Variants in TMEM200B observed in about 807,000 individuals in gnomAD.
The protein encoded by TMEM200B is transmembrane protein TTMA.
Under a neutral mutation model 17.6 loss-of-function variants are expected in TMEM200B, and 12 were observed. That is an observed-to-expected ratio of 0.68 (90% CI 0.44 to 1.11). The LOEUF (loss-of-function observed/expected upper bound fraction) is 1.11, where lower values mean the gene tolerates loss of function less well. TMEM200B is among the 50% of genes least tolerant of loss of function. The probability of loss-of-function intolerance (pLI) is 0.00; values close to 1 mark genes in which losing one functional copy is unlikely to be tolerated. For missense variants in TMEM200B, 456 were observed against 447.6 expected (o/e 1.02, Z -0.17); for synonymous variants, 234 against 209.2 (o/e 1.12, Z -1.02).
chr1:29,123,105 G>A (rs1353737633), intron 1 of TMEM200B, among the ~76,000 whole-genome samples: 1 of 152,192 alleles, frequency 6.6e-6, no homozygotes, highest in Admixed American at 6.5e-5. Context: ...AAACCTCGGG[G>A]AGGCGGCCTT....
At position 29,120,926 on chromosome 1, in the gene TMEM200B, CCCT is replaced by C. The variant is rs761180446; in HGVS notation, c.900_902del (p.Gly301del). Reference sequence around the variant, plus strand: ...CTCTTCAGACCCGGGCCCCCAAGTCCCCTCCTCCTCCCAATTTGGCATAGCCCC... The same window carrying C: ...CTCTTCAGACCCGGGCCCCCAAGTCCCCTCCTCCCAATTTGGCATAGCCCC... On this transcript the variant is annotated inframe_deletion, in exon 2 of 2. Coordinates refer to ENST00000521452, the MANE Select transcript of TMEM200B (RefSeq NM_001003682.4). 5 of 1,607,578 alleles carry C rather than the reference CCCT, an allele frequency of 3.1e-6. No homozygotes were observed. Among genetic ancestry groups the C allele is most frequent in the Admixed American group, 3.4e-5 (2 of 59,608 alleles).
Position 29,121,325 on chromosome 1 carries a change from G to A in TMEM200B, c.504C>T (p.Ala168=). 1 of 1,589,586 alleles carries A rather than the reference G, an allele frequency of 6.3e-7. No individual in the cohort carries two copies. The highest frequency in any genetic ancestry group is 1.8e-5 in the Admixed American group (1 of 55,786). ...RPPDGPGWDC[A]LLPSPGPRSP... is the part of the protein sequence containing the mutation. ...TCCTAGGGCCGGGGCTGGGAAGGAG[G>A]GCGCAGTCCCAGCCCGGGCCGTCGG... The change falls in exon 2 of 2, where the codon GCC becomes GCT. Residue 168 remains alanine, a synonymous_variant. Coordinates refer to ENST00000521452, the MANE Select transcript of TMEM200B (RefSeq NM_001003682.4). The surrounding 1 kb of genome is among the most constrained non-coding windows in gnomAD (Gnocchi z 5.6).
chr1:29,122,798 G>A (rs1574172028), intron 1 of TMEM200B, among the ~76,000 whole-genome samples: 1 of 152,236 alleles, frequency 6.6e-6, no homozygotes, highest in Non-Finnish European at 1.5e-5. Context: ...TCCGTGGCCC[G>A]TGGCCCGGTC....
Position 29,121,416 on chromosome 1 carries a change from T to C in TMEM200B, c.413A>G (p.Glu138Gly). 6.5e-7 allele frequency: 1 copy of C among 1,538,052 alleles called. No individual in the cohort carries two copies. The highest frequency in any genetic ancestry group is 8.7e-7 in the Non-Finnish European group (1 of 1,146,874). The change falls in exon 2 of 2, where the codon GAG (glutamate) becomes GGG (glycine). Residue 138 changes from glutamate (E) to glycine (G), a missense_variant. Physicochemically the swap from Glu to Gly is moderately conservative, Grantham distance 98. Transcript: ENST00000521452. This position sits in a 1 kb window ranked among gnomAD's most constrained non-coding sequence, Gnocchi z 5.6. ...CCGTCGCGTCTCCAAGTCTCGGTTCTCATACAGCAGTGTGTTGGCGCAGAT... is the reference window on the plus strand; with the variant it reads ...CCGTCGCGTCTCCAAGTCTCGGTTCCCATACAGCAGTGTGTTGGCGCAGAT... ...VFICANTLLY[E>G]NRDLETRRLR...
Position 29,120,739 on chromosome 1 carries a change from CT to C in TMEM200B, c.*165del. On this transcript the variant is annotated 3_prime_UTR_variant, in exon 2 of 2. Coordinates refer to ENST00000521452, the MANE Select transcript of TMEM200B (RefSeq NM_001003682.4). ...GAGCCCTGGTGCAGCTGGCATTTCTCTGCCCGCATGCAGGTCAGGATGCCCT... is the reference window on the plus strand; with the variant it reads ...GAGCCCTGGTGCAGCTGGCATTTCTCGCCCGCATGCAGGTCAGGATGCCCT... 2 of 867,546 alleles carry C rather than the reference CT, an allele frequency of 2.3e-6. No individual in the cohort carries two copies. The highest frequency in any genetic ancestry group is 3.9e-5 in the South Asian group (2 of 50,920). The allele number at this position is 867,546 out of a possible 1,614,324, so 53.7% of individuals were successfully genotyped here.
At position 29,121,118 on chromosome 1, in the gene TMEM200B, T is replaced by G; in HGVS notation, c.711A>C (p.Pro237=). ...KGPGLPPPWG[P]RTQTGHVIIT... ...TGATCACATGGCCAGTCTGCGTCCG[T>G]GGACCCCAGGGTGGGGGCAGCCCGG... The change falls in exon 2 of 2, where the codon CCA becomes CCC. Residue 237 remains proline (P), a synonymous_variant. Transcript: ENST00000521452. This position sits in a 1 kb window ranked among gnomAD's most constrained non-coding sequence, Gnocchi z 5.6. 2 of 1,613,846 alleles carry G rather than the reference T, an allele frequency of 1.2e-6. No homozygotes were observed. Among genetic ancestry groups the G allele is most frequent in the South Asian group, 2.2e-5 (2 of 91,086 alleles).
Position 29,121,461 on chromosome 1 carries a change from C to T in TMEM200B, c.368G>A (p.Gly123Asp), listed in dbSNP as rs1308643612. ...RLRLLGPVIM[G>D]VGLFVFICAN... ...GCAGATGAACACGAACAGGCCGACG[C>T]CCATGATCACCGGCCCGAGGAGCCG... The change falls in exon 2 of 2, where the codon GGC (glycine) becomes GAC (aspartate). Residue 123 changes from glycine to aspartate, a missense_variant. Transcript: ENST00000521452. The surrounding 1 kb of genome is among the most constrained non-coding windows in gnomAD (Gnocchi z 5.6). 1 of 1,532,888 alleles carries T rather than the reference C, an allele frequency of 6.5e-7. No homozygotes were observed. Among genetic ancestry groups the T allele is most frequent in the Non-Finnish European group, 8.7e-7 (1 of 1,145,000 alleles). 95.0% of individuals were successfully genotyped at this position (1,532,888 alleles called of 1,614,324 possible).
At chr1:29,123,597 G>A (rs1574172906) in intron 1 of TMEM200B, among the ~76,000 whole-genome samples, 2 of 152,134 alleles carry the variant, frequency 1.3e-5, no homozygotes, top group East Asian at 3.9e-4. Context: ...AGCCGTGGAG[G>A]TAGTGGGCCG....
chr1:29,121,847 C>CA lies in TMEM200B; in HGVS notation c.-20_-19insT. On this transcript the variant is annotated splice_region_variant and 5_prime_UTR_variant, in exon 2 of 2. In the 5' UTR this introduces an upstream ATG that the reference lacks. Transcript: ENST00000521452. The surrounding 1 kb of genome is among the most constrained non-coding windows in gnomAD (Gnocchi z 5.6). ...CCGTCATCTCGCCGTCGTCTGGGCGCTCTGCGGAGAGAAGATGGGAGGCAA... is the reference window on the plus strand; with the variant it reads ...CCGTCATCTCGCCGTCGTCTGGGCGCATCTGCGGAGAGAAGATGGGAGGCAA... The CA allele has an allele frequency of 7.8e-7, 1 of 1,282,112 alleles. No homozygotes were observed. Among genetic ancestry groups the CA allele is most frequent in the Admixed American group, 3.2e-5 (1 of 31,358 alleles). 79.4% of individuals were successfully genotyped at this position (1,282,112 alleles called of 1,614,324 possible).
intron 1 of TMEM200B, among the ~76,000 whole-genome samples, chr1:29,123,307 G>T (rs181684773): frequency 1.7e-4 from 26 of 152,308 alleles, no homozygotes; most frequent in Admixed American, 1.1e-3. Flanking sequence ...CTAGGCGGGG[G>T]CTCTGCCAGG....
intron 1 of TMEM200B, 97 bp downstream of exon 1, chr1:29,123,759 C>G (rs1235296050): frequency 1.4e-5 from 2 of 143,014 alleles, no homozygotes; most frequent in Admixed American, 7.0e-5. Context: ...CTCCCGCCCC[C>G]AGGGGCCCTG....
In TMEM200B at chr1:29,121,192, G is replaced by A. The variant is rs777246273; in HGVS notation, c.637C>T (p.Pro213Ser). Residue 213 changes from proline to serine, a missense_variant, in exon 2 of 2, where the codon CCT (proline) becomes TCT (serine). Physicochemically the swap from Pro to Ser is moderately conservative, Grantham distance 74. Coordinates refer to ENST00000521452, the MANE Select transcript of TMEM200B (RefSeq NM_001003682.4). This position sits in a 1 kb window ranked among gnomAD's most constrained non-coding sequence, Gnocchi z 5.6. Reference sequence around the variant, plus strand: ...AGCAAGGCAGGTAACCCCAAGCGAGGATTAGCGGGCTCTGAACGCAGACTC... The same window carrying A: ...AGCAAGGCAGGTAACCCCAAGCGAGAATTAGCGGGCTCTGAACGCAGACTC... Reference protein sequence around the residue: ...VRSLRSEPANPRLGLPALLNS... With the variant: ...VRSLRSEPANSRLGLPALLNS... 22 of 1,613,486 alleles carry A rather than the reference G, an allele frequency of 1.4e-5. No homozygotes were observed. Among genetic ancestry groups the A allele is most frequent in the Non-Finnish European group, 1.6e-5 (19 of 1,180,012 alleles).
intron 1 of TMEM200B, among the ~76,000 whole-genome samples, chr1:29,123,302 C>T (rs1348788361): frequency 6.6e-6 from 1 of 152,176 alleles, no homozygotes; most frequent in Non-Finnish European, 1.5e-5. Context: ...CCGCACTAGG[C>T]GGGGGCTCTG....
rs1232384752 is a variant in TMEM200B, at chr1:29,121,310, G to C, written c.519C>G (p.Pro173=). The C allele has an allele frequency of 6.3e-7, 1 of 1,598,564 alleles. No homozygotes were observed. The highest frequency in any genetic ancestry group is 8.5e-7 in the Non-Finnish European group (1 of 1,173,964). Residue 173 remains proline, a synonymous_variant, in exon 2 of 2, where the codon CCC becomes CCG. Transcript: ENST00000521452. The surrounding 1 kb of genome is among the most constrained non-coding windows in gnomAD (Gnocchi z 5.6). ...CTACGGCTCGGGGACTCCTAGGGCCGGGGCTGGGAAGGAGGGCGCAGTCCC... is the reference window on the plus strand; with the variant it reads ...CTACGGCTCGGGGACTCCTAGGGCCCGGGCTGGGAAGGAGGGCGCAGTCCC... The part of the protein sequence containing the change: ...PGWDCALLPS[P]GPRSPRAVGC...
chr1:29,120,675 TCCACAC>T lies in TMEM200B; in HGVS notation c.*224_*229del. The T allele has an allele frequency of 1.7e-6, 1 of 571,482 alleles. No homozygotes were observed. The highest frequency in any genetic ancestry group is 2.8e-5 in the East Asian group (1 of 35,310). 35.4% of individuals were successfully genotyped at this position (571,482 alleles called of 1,614,324 possible). A position where few individuals can be genotyped will look rare whatever the true frequency, so the allele number is the denominator to read the frequency against. On this transcript the variant is annotated 3_prime_UTR_variant, in exon 2 of 2. Coordinates refer to ENST00000521452, the MANE Select transcript of TMEM200B (RefSeq NM_001003682.4). ...CTGAAGAAATTCCTGAGGCGAGTCCTCCACACCCCACAGTGAAACGCACCCTCTCCA... is the reference window on the plus strand; with the variant it reads ...CTGAAGAAATTCCTGAGGCGAGTCCTCCCACAGTGAAACGCACCCTCTCCA...
In TMEM200B at chr1:29,121,120, G is replaced by A; in HGVS notation, c.709C>T (p.Pro237Ser). The change falls in exon 2 of 2, where the codon CCA becomes TCA. Residue 237 changes from proline (P) to serine (S), a missense_variant. Pro to Ser is a moderately conservative substitution (Grantham distance 74). Coordinates refer to ENST00000521452, the MANE Select transcript of TMEM200B (RefSeq NM_001003682.4). The surrounding 1 kb of genome is among the most constrained non-coding windows in gnomAD (Gnocchi z 5.6). ...ATCACATGGCCAGTCTGCGTCCGTG[G>A]ACCCCAGGGTGGGGGCAGCCCGGGG... ...KGPGLPPPWG[P>S]RTQTGHVIIT... The A allele has an allele frequency of 6.2e-7, 1 of 1,613,856 alleles. No individual in the cohort carries two copies. The highest frequency in any genetic ancestry group is 2.2e-5 in the East Asian group (1 of 44,886).
rs1245026010 is a variant in TMEM200B, at chr1:29,121,575, C to A, written c.254G>T (p.Arg85Leu). 1 of 1,498,370 alleles carries A rather than the reference C, an allele frequency of 6.7e-7. No individual in the cohort carries two copies. Among genetic ancestry groups the A allele is most frequent in the South Asian group, 1.3e-5 (1 of 79,938 alleles). The allele number at this position is 1,498,370 out of a possible 1,614,324, so 92.8% of individuals were successfully genotyped here. A position where few individuals can be genotyped will look rare whatever the true frequency, so the allele number is the denominator to read the frequency against. Residue 85 changes from arginine (R) to leucine (L), a missense_variant, in exon 2 of 2, where the codon CGG becomes CTG. Coordinates refer to ENST00000521452, the MANE Select transcript of TMEM200B (RefSeq NM_001003682.4). The surrounding 1 kb of genome is among the most constrained non-coding windows in gnomAD (Gnocchi z 5.6). Reference protein sequence around the residue: ...WPHRAGAPGSRAANASSPQMS... With the variant: ...WPHRAGAPGSLAANASSPQMS... ...CTGGGGCGAGCTGGCATTGGCGGCC[C>A]GGGACCCTGGGGCCCCGGCCCGGTG...
chr1:29,120,748 T>G lies in TMEM200B; in HGVS notation c.*157A>C, dbSNP rs1671724551. ...TGCAGCTGGCATTTCTCTGCCCGCA[T>G]GCAGGTCAGGATGCCCTTCACAGCT... On this transcript the variant is annotated 3_prime_UTR_variant, in exon 2 of 2. Transcript: ENST00000521452. 1.1e-6 allele frequency: 1 copy of G among 931,118 alleles called. No homozygotes were observed. The highest frequency in any genetic ancestry group is 1.7e-5 in the African/African-American group (1 of 60,056). 57.7% of individuals were successfully genotyped at this position (931,118 alleles called of 1,614,324 possible). A position where few individuals can be genotyped will look rare whatever the true frequency, so the allele number is the denominator to read the frequency against.
chr1:29,120,826 AG>A lies in TMEM200B; in HGVS notation c.*78del, dbSNP rs901362278. 3 of 1,434,312 alleles carry A rather than the reference AG, an allele frequency of 2.1e-6. No individual in the cohort carries two copies. The highest frequency in any genetic ancestry group is 2.8e-6 in the Non-Finnish European group (3 of 1,080,658). 88.8% of individuals were successfully genotyped at this position (1,434,312 alleles called of 1,614,324 possible). On this transcript the variant is annotated 3_prime_UTR_variant, in exon 2 of 2. Coordinates refer to ENST00000521452, the MANE Select transcript of TMEM200B (RefSeq NM_001003682.4). ...CTGGGATGTGACTGAAACATCTATT[AG>A]ACGTTGGGACTCCTGGTCCTTTGGT...
Sources: gnomAD v4.1 joint callset for allele counts (sites outside exome capture counted in the v4.1 genomes callset) on GRCh38, gnomAD v4.1.1 for gene constraint, Gnocchi (gnomAD v3.1) non-coding constraint, MANE v1.5 for transcripts, NCBI Gene and HGNC (gene_info 2026-07-23, HGNC 2026-07-21) for gene names.